The following MYOM2 variants were observed in gnomAD, a reference collection of about 807,000 sequenced individuals.
MYOM2 encodes myomesin-2.
In MYOM2, 254 loss-of-function variants were observed where a neutral mutation model predicts 187.6. The observed-to-expected ratio is 1.35, with a 90% CI of 1.22 to 1.50. The LOEUF is 1.50. MYOM2 is among the 40% of genes most tolerant of loss of function. MYOM2 has a pLI of 0.00. For missense variants in MYOM2, 2,796 were observed against 1,924.0 expected, an observed-to-expected ratio of 1.45 and a Z score of -8.48; for synonymous variants, 981 against 753.8, an observed-to-expected ratio of 1.30 and a Z score of -4.94.
At chr8:2,106,131 G>C in intron 21 of MYOM2, 111 bp from the exon 22 acceptor site, 1 of 1,090,616 alleles carries the variant, frequency 9.2e-7, no homozygotes, top group Non-Finnish European at 1.3e-6. Flanking sequence ...ATTACAATTT[G>C]AGATGAGATT....
intron 25 of MYOM2, among the ~76,000 whole-genome samples, chr8:2,114,774 A>G (rs1312042052): frequency 6.6e-6 from 1 of 152,094 alleles, no homozygotes; most frequent in Non-Finnish European, 1.5e-5. Context: ...CCAGCCTAAC[A>G]AAATTTCTTT....
intron 10 of MYOM2, among the ~76,000 whole-genome samples, chr8:2,075,113 C>A (rs1819372828): frequency 1.3e-5 from 2 of 152,310 alleles, no homozygotes; most frequent in Admixed American, 6.5e-5. Flanking sequence ...AATATTTCAT[C>A]TGAAAAGAAA....
chr8:2,129,010 A>G, intron 31 of MYOM2, 117 bp from the exon 32 acceptor site: 1 of 644,040 alleles, frequency 1.6e-6, no homozygotes, highest in African/African-American at 1.8e-5. Context: ...TTTATGAGAG[A>G]CACAAGTGAG....
Position 2,057,468 on chromosome 8 carries a change from A to G in MYOM2, c.384A>G (p.Lys128=), listed in dbSNP as rs748050968. 6.2e-7 allele frequency: 1 copy of G among 1,614,110 alleles called. No homozygotes were observed. The highest frequency in any genetic ancestry group is 1.1e-5 in the South Asian group (1 of 91,058). Residue 128 remains lysine (K), a synonymous_variant, in exon 4 of 37, where the codon AAA becomes AAG. Coordinates refer to ENST00000262113, the MANE Select transcript of MYOM2 (RefSeq NM_003970.4). ...CCCAGGCCCGCGACAAGCTGGACAA[A>G]TACGCCATTCAGCAGATGGTAGGAG... is the stretch of plus-strand genomic sequence containing the variant. The part of the protein sequence containing the change: ...ARSQARDKLD[K]YAIQQMMEDK...
intron 21 of MYOM2, among the ~76,000 whole-genome samples, chr8:2,104,259 C>G (rs576110721): frequency 6.6e-6 from 1 of 152,288 alleles, no homozygotes; most frequent in African/African-American, 2.4e-5. Flanking sequence ...GATACACAGT[C>G]TATTTTGTGT....
chr8:2,091,890 G>A (rs1049963340), intron 15 of MYOM2, among the ~76,000 whole-genome samples: 1 of 152,332 alleles, frequency 6.6e-6, no homozygotes, highest in African/African-American at 2.4e-5. Flanking sequence ...AGTGGGGCCT[G>A]GCACCACATG....
chr8:2,086,370 G>GATCTCTGGCACTCCACTGTCA lies in MYOM2; in HGVS notation c.1644+980_1644+981insATCTCTGGCACTCCACTGTCA. 2.5e-3 allele frequency among the ~76,000 whole-genome samples: 62 copies of GATCTCTGGCACTCCACTGTCA among 24,994 alleles called. 21 individuals carry two copies. Among genetic ancestry groups the GATCTCTGGCACTCCACTGTCA allele is most frequent in the Non-Finnish European group, 4.5e-3 (47 of 10,520 alleles). The allele number at this position is 24,994 out of a possible 152,430, so 16.4% of individuals were successfully genotyped here. ...GATCTCTGCGTGGCCTCCCACTGTT[G>GATCTCTGGCACTCCACTGTCA]TGATCTCTGCGTGGCCTCCCACTGT... On this transcript the variant is annotated intron_variant, in intron 14 of 36. Coordinates refer to ENST00000262113, the MANE Select transcript of MYOM2 (RefSeq NM_003970.4).
intron 14 of MYOM2, among the ~76,000 whole-genome samples, chr8:2,086,055 C>T (rs369775373): frequency 7.2e-4 from 2 of 2,764 alleles, no homozygotes; most frequent in Non-Finnish European, 1.1e-3. Context: ...CCCCCACAGT[C>T]GTGATCTCTT....
At chr8:2,086,497 C>CTACTGTCATGATCTCCACGTGGCCACA (rs1796076192) in intron 14 of MYOM2, among the ~76,000 whole-genome samples, 1 of 141,900 alleles carries the variant, frequency 7.0e-6, no homozygotes, top group Non-Finnish European at 1.6e-5. Flanking sequence ...GTGTGGCCCC[C>CTACTGTCATGATCTCCACGTGGCCACA]CACTGTCGTG....
chr8:2,118,102 G>A, intron 28 of MYOM2, 150 bp downstream of exon 28: 1 of 600,932 alleles, frequency 1.7e-6, no homozygotes, highest in Admixed American at 3.4e-5. Context: ...AGTGGCTTTT[G>A]GGTCCTGTGG....
At position 2,144,876 on chromosome 8, in the gene MYOM2, G is replaced by C. The variant is rs1370466993; in HGVS notation, c.4293G>C (p.Val1431=). ...AGTATGGCGGGGAGAAGATCGACGTGACAGTGAGCGTGTACAAACACGGGG... is the reference window on the plus strand; with the variant it reads ...AGTATGGCGGGGAGAAGATCGACGTCACAGTGAGCGTGTACAAACACGGGG... ...KNKYGGEKID[V]TVSVYKHGEK... is the part of the protein sequence containing the mutation. The change falls in exon 37 of 37, where the codon GTG becomes GTC. Residue 1431 remains valine (V), a synonymous_variant. Coordinates refer to ENST00000262113, the MANE Select transcript of MYOM2 (RefSeq NM_003970.4). The C allele has an allele frequency of 3.1e-6, 5 of 1,614,000 alleles. No individual in the cohort carries two copies. The African/African-American group carries it at 4.0e-5, about 13-fold the overall frequency.
At chr8:2,139,875 A>T (rs1798215603) in intron 32 of MYOM2, among the ~76,000 whole-genome samples, 1 of 152,210 alleles carries the variant, frequency 6.6e-6, no homozygotes, top group Admixed American at 6.5e-5. Flanking sequence ...GGAATGTATG[A>T]GCACCTTGTT....
At chr8:2,124,068 A>G (rs776032082) in intron 30 of MYOM2, 111 bp from the exon 31 acceptor site, 4 of 1,095,996 alleles carry the variant, frequency 3.6e-6, no homozygotes, top group Non-Finnish European at 5.3e-6. Flanking sequence ...TTAATGATTC[A>G]TTTTTCAACT....
rs529378959 is a variant in MYOM2 at position 2,123,341 on chromosome 8, A to T, written c.3543A>T (p.Gly1181=). Residue 1181 remains glycine, a synonymous_variant, in exon 29 of 37, where the codon GGA becomes GGT. Transcript: ENST00000262113. ...ETETLPNLER[G]ICELLIPKLS... ...AGACACTGCCTAACCTGGAGAGGGG[A>T]ATCTGTGAGCTCCTCATCCCAAAGG... The T allele has an allele frequency of 6.2e-7, 1 of 1,613,628 alleles. No homozygotes were observed. The highest frequency in any genetic ancestry group is 1.3e-5 in the African/African-American group (1 of 75,006).
intron 20 of MYOM2, among the ~76,000 whole-genome samples, chr8:2,101,344 C>G (rs376988949): frequency 2.2e-4 from 33 of 152,332 alleles, no homozygotes; most frequent in African/African-American, 7.2e-4. Context: ...CAGAGCGAGA[C>G]TCTGTCTCAA....
intron 14 of MYOM2, among the ~76,000 whole-genome samples, chr8:2,087,168 A>G (rs1421671542): frequency 3.9e-5 from 6 of 152,194 alleles, no homozygotes; most frequent in Non-Finnish European, 8.8e-5. Flanking sequence ...TAAGACTCCA[A>G]TGTCCTACAA....
At chr8:2,062,283 T>A (rs1818877013) in intron 6 of MYOM2, among the ~76,000 whole-genome samples, 1 of 152,048 alleles carries the variant, frequency 6.6e-6, no homozygotes, top group Non-Finnish European at 1.5e-5. Context: ...GAAGGAAGGA[T>A]GTAACATTGA....
Position 2,073,446 on chromosome 8 carries a change from C to A in MYOM2, c.1066C>A (p.Arg356Ser). The A allele has an allele frequency of 2.5e-6, 4 of 1,611,740 alleles. No homozygotes were observed. Among genetic ancestry groups the A allele is most frequent in the Non-Finnish European group, 3.4e-6 (4 of 1,179,650 alleles). Residue 356 changes from arginine (R) to serine (S), a missense_variant, in exon 10 of 37, where the codon CGC becomes AGC. Physicochemically the swap from Arg to Ser is moderately radical, Grantham distance 110. Coordinates refer to ENST00000262113, the MANE Select transcript of MYOM2 (RefSeq NM_003970.4). ...HKDDEGLYTL[R>S]IVSRGGVSDH... ...GGACGACGAGGGCCTGTACACCCTG[C>A]GCATCGTGTCTCGGGGCGGCGTCAG...
Position 2,096,296 on chromosome 8 carries a change from C to T in MYOM2, c.2175C>T (p.His725=). ...TTACGCTCCTCAACTGTGACGGCCA[C>T]TCCATGACCCTCGGCTGGAAGGTCC... ...YGITLLNCDG[H]SMTLGWKVPK... is the part of the protein sequence containing the mutation. The change falls in exon 18 of 37, where the codon CAC becomes CAT. Residue 725 remains histidine (H), a synonymous_variant. Transcript: ENST00000262113. 1 of 1,614,204 alleles carries T rather than the reference C, an allele frequency of 6.2e-7. No individual in the cohort carries two copies. The highest frequency in any genetic ancestry group is 8.5e-7 in the Non-Finnish European group (1 of 1,180,038).
Sources: gnomAD v4.1 joint callset for allele counts (sites outside exome capture counted in the v4.1 genomes callset) on GRCh38, gnomAD v4.1.1 for gene constraint, MANE v1.5 for transcripts, NCBI Gene and HGNC (gene_info 2026-07-23, HGNC 2026-07-21) for gene names.